The following NDST3 variants were observed in gnomAD, a reference collection of about 807,000 sequenced individuals.
The protein encoded by NDST3 is bifunctional heparan sulfate N-deacetylase/N-sulfotransferase 3.
A neutral mutation model predicts 96.1 loss-of-function variants in NDST3; 58 were observed. That is an observed-to-expected ratio of 0.60 (90% CI 0.49 to 0.75). The LOEUF (loss-of-function observed/expected upper bound fraction) is 0.75. Ranked by LOEUF, NDST3 falls within the 30% of genes least tolerant of loss-of-function variation. The pLI, the probability that NDST3 is intolerant of heterozygous loss-of-function variation, is 0.00. For missense variants in NDST3, 788 were observed against 1,034.2 expected (o/e 0.76, Z 3.27); for synonymous variants, 333 against 359.7 (o/e 0.93, Z 0.84).
chr4:118,177,186 G>A (rs1185106536), intron 6 of NDST3, among the ~76,000 whole-genome samples: 1 of 152,008 alleles, frequency 6.6e-6, no homozygotes, highest in Non-Finnish European at 1.5e-5. Context: ...ACAAGTTTGT[G>A]AAGATAATGT....
Position 118,257,164 on chromosome 4 carries a change from A to C in NDST3, c.*1452A>C, listed in dbSNP as rs1270688133. On this transcript the variant is annotated 3_prime_UTR_variant, in exon 14 of 14. Transcript: ENST00000296499. ...ATTTTTTTTTTTGAGAGGGGGACAG[A>C]GTCTCACTATGTCACCCAGGCTGGA... 2.0e-5 allele frequency: 3 copies of C among 152,116 alleles called. No individual in the cohort carries two copies. The East Asian group carries it at 5.8e-4, about 29-fold the overall frequency. The allele number at this position is 152,116 out of a possible 1,614,324, so 9.4% of individuals were successfully genotyped here. A position where few individuals can be genotyped will look rare whatever the true frequency, so the allele number is the denominator to read the frequency against.
At chr4:118,070,145 C>T (rs560211943) in intron 2 of NDST3, among the ~76,000 whole-genome samples, 1 of 152,112 alleles carries the variant, frequency 6.6e-6, no homozygotes, top group Admixed American at 6.6e-5. Context: ...AAATCTTTAT[C>T]TCTGGGTTTG....
intron 6 of NDST3, among the ~76,000 whole-genome samples, chr4:118,189,522 C>G (rs1233737817): frequency 2.0e-5 from 3 of 152,052 alleles, no homozygotes; most frequent in East Asian, 1.9e-4. Flanking sequence ...TTTGGGGAAG[C>G]CTGTCAAATA....
rs75076651 is a variant in NDST3 at position 118,080,509 on chromosome 4, T to C, written c.982-24509T>C. ...CACAGAAATGATTTGAGAGTCTAAA[T>C]GAATTCTTTATTTCACTCTTTATTT... On this transcript the variant is annotated intron_variant, in intron 2 of 13. Transcript: ENST00000296499. Among the ~76,000 whole-genome samples, 644 of 152,268 alleles carry C rather than the reference T, an allele frequency of 4.2e-3. 25 individuals carry two copies. The East Asian group carries it at 0.1, about 24-fold the overall frequency.
chr4:118,147,407 A>T (rs1209174074), intron 6 of NDST3, among the ~76,000 whole-genome samples: 2 of 152,192 alleles, frequency 1.3e-5, no homozygotes, highest in African/African-American at 4.8e-5. Context: ...CAAACATGTA[A>T]TATACCTAGA....
chr4:118,226,835 A>G (rs762490526), intron 7 of NDST3, 51 bp from the exon 8 acceptor site: 1 of 1,285,642 alleles, frequency 7.8e-7, no homozygotes, highest in Non-Finnish European at 1.1e-6. Flanking sequence ...CTGGCACACA[A>G]TGGACACATT....
chr4:118,050,422 G>C (rs1725012264), intron 1 of NDST3, among the ~76,000 whole-genome samples: 1 of 152,022 alleles, frequency 6.6e-6, no homozygotes, highest in South Asian at 2.1e-4. Context: ...AGAAAAAGAA[G>C]TCAAACTATC....
At chr4:118,062,936 A>C (rs941412186) in intron 2 of NDST3, among the ~76,000 whole-genome samples, 1 of 152,114 alleles carries the variant, frequency 6.6e-6, no homozygotes. Context: ...CATGCCTGTA[A>C]TCCCAGCACT....
At chr4:118,040,432 G>A (rs1463810962) in intron 1 of NDST3, among the ~76,000 whole-genome samples, 1 of 152,042 alleles carries the variant, frequency 6.6e-6, no homozygotes, top group Non-Finnish European at 1.5e-5. Context: ...GCCTCTGATT[G>A]AGCCTCTTTC....
chr4:118,231,255 G>A (rs1002400923), intron 8 of NDST3, among the ~76,000 whole-genome samples: 2 of 151,768 alleles, frequency 1.3e-5, no homozygotes, highest in African/African-American at 2.4e-5. Context: ...AGAATCGCTT[G>A]AGCCCAGGAG....
chr4:118,221,850 CT>C (rs1400115057), intron 6 of NDST3, among the ~76,000 whole-genome samples: 3 of 151,882 alleles, frequency 2.0e-5, no homozygotes, highest in Non-Finnish European at 2.9e-5. Flanking sequence ...CTAAACAGTC[CT>C]TTTGGTGACA....
chr4:118,086,453 T>C (rs1383703115), intron 2 of NDST3, among the ~76,000 whole-genome samples: 1 of 152,082 alleles, frequency 6.6e-6, no homozygotes, highest in East Asian at 1.9e-4. Flanking sequence ...AACTTAGTCA[T>C]TCAGACACCA....
rs1379925867 is a variant in NDST3 at position 118,253,630 on chromosome 4, A to G, written c.2502+29A>G. The G allele has an allele frequency of 2.2e-6, 3 of 1,393,718 alleles. No homozygotes were observed. In the East Asian group the frequency reaches 6.9e-5, roughly 32 times the overall value. The allele number at this position is 1,393,718 out of a possible 1,614,324, so 86.3% of individuals were successfully genotyped here. ...AGCATAGACCTTAAAAATACAAACT[A>G]AATCAGCAAAATGGTAACCAATAAT... On this transcript the variant is annotated intron_variant, in intron 13 of 13. Coordinates refer to ENST00000296499, the MANE Select transcript of NDST3 (RefSeq NM_004784.3).
At chr4:118,066,187 TC>T (rs1560617757) in intron 2 of NDST3, among the ~76,000 whole-genome samples, 5 of 6,994 alleles carry the variant, frequency 7.1e-4, no homozygotes, top group African/African-American at 1.0e-3. Flanking sequence ...ATATTATATA[TC>T]TTATATATTA....
chr4:118,070,029 C>T (rs749588640), intron 2 of NDST3, among the ~76,000 whole-genome samples: 3 of 152,010 alleles, frequency 2.0e-5, no homozygotes, highest in African/African-American at 4.8e-5. Context: ...CTGCAGTGAG[C>T]AACTTACTGA....
intron 2 of NDST3, among the ~76,000 whole-genome samples, chr4:118,073,949 T>C (rs1386552201): frequency 1.3e-5 from 2 of 152,308 alleles, no homozygotes; most frequent in East Asian, 3.9e-4. Flanking sequence ...GCTTTAGCTA[T>C]ATCCCAGAGA....
At chr4:118,142,001 T>G (rs1373482823) in intron 5 of NDST3, among the ~76,000 whole-genome samples, 1 of 152,150 alleles carries the variant, frequency 6.6e-6, no homozygotes, top group African/African-American at 2.4e-5. Context: ...AAATACTATA[T>G]AAAGTATTTA....
At chr4:118,227,828 G>C (rs966476476) in intron 8 of NDST3, among the ~76,000 whole-genome samples, 21 of 152,202 alleles carry the variant, frequency 1.4e-4, no homozygotes, top group African/African-American at 5.1e-4. Context: ...TAGCCAGGAT[G>C]GTCTCGATCT....
At chr4:118,191,342 A>G (rs1035027644) in intron 6 of NDST3, among the ~76,000 whole-genome samples, 2 of 152,216 alleles carry the variant, frequency 1.3e-5, no homozygotes, top group African/African-American at 4.8e-5. Flanking sequence ...ACAAATGGAG[A>G]TTTCCTTTAT....
Sources: gnomAD v4.1 joint callset for allele counts (sites outside exome capture counted in the v4.1 genomes callset) on GRCh38, gnomAD v4.1.1 for gene constraint, MANE v1.5 for transcripts, NCBI Gene and HGNC (gene_info 2026-07-23, HGNC 2026-07-21) for gene names.